CLIC4: variants seen among roughly 807,000 people sequenced by gnomAD.
The protein encoded by CLIC4 is chloride intracellular channel protein 4.
A neutral mutation model predicts 24.6 loss-of-function variants in CLIC4; 13 were observed. The observed-to-expected ratio is 0.53, with a 90% CI of 0.34 to 0.84. The LOEUF is 0.84. Ranked by LOEUF, CLIC4 falls within the 40% of genes least tolerant of loss-of-function variation. CLIC4 has a pLI of 0.01. For synonymous variants in CLIC4, 104 were observed against 111.3 expected, an observed-to-expected ratio of 0.93 and a Z score of 0.41; for missense variants, 227 against 301.7, an observed-to-expected ratio of 0.75 and a Z score of 1.83.
chr1:24,758,922 T>C lies in CLIC4; in HGVS notation c.72+13297T>C, dbSNP rs150744627. On this transcript the variant is annotated intron_variant, in intron 1 of 5. Transcript: ENST00000374379. ...GTGAAGGATGAGCACTGATCTGATA[T>C]GTAACATGTATTGAATTAAGTGAGT... Among the ~76,000 whole-genome samples the C allele has an allele frequency of 3.2e-3, 487 of 152,286 alleles. 2 individuals are homozygous for C. Among genetic ancestry groups the C allele is most frequent in the Non-Finnish European group, 5.4e-3 (368 of 68,024 alleles).
chr1:24,802,285 G>A (rs1639499722), intron 2 of CLIC4, among the ~76,000 whole-genome samples: 2 of 152,120 alleles, frequency 1.3e-5, no homozygotes, highest in Admixed American at 6.5e-5. Flanking sequence ...TTTTTTAAAG[G>A]CATTATTCCT....
intron 1 of CLIC4, among the ~76,000 whole-genome samples, chr1:24,756,813 C>T (rs1430401309): frequency 2.6e-5 from 4 of 151,340 alleles, no homozygotes; most frequent in East Asian, 1.9e-4. Flanking sequence ...CTCCGCCTCC[C>T]GGGTTCAAGC....
At chr1:24,816,088 CT>C (rs1639664509) in intron 3 of CLIC4, among the ~76,000 whole-genome samples, 1 of 152,170 alleles carries the variant, frequency 6.6e-6, no homozygotes, top group Non-Finnish European at 1.5e-5. Flanking sequence ...TTCTAGTTCT[CT>C]TGCTATTTTC....
At chr1:24,784,353 C>G (rs1639240257) in intron 1 of CLIC4, among the ~76,000 whole-genome samples, 1 of 152,136 alleles carries the variant, frequency 6.6e-6, no homozygotes, top group Non-Finnish European at 1.5e-5. Context: ...TTTTCAGTCA[C>G]TTAGGTAGGA....
intron 1 of CLIC4, among the ~76,000 whole-genome samples, chr1:24,751,541 A>G (rs186383975): frequency 6.6e-6 from 1 of 152,144 alleles, no homozygotes; most frequent in Non-Finnish European, 1.5e-5. Flanking sequence ...CCAGTCTTTT[A>G]TATATTTACT....
chr1:24,781,870 T>C (rs180979882), intron 1 of CLIC4, among the ~76,000 whole-genome samples: 160 of 152,086 alleles, frequency 1.1e-3, no homozygotes, highest in Middle Eastern at 3.4e-3. Flanking sequence ...CAGGCTGGTC[T>C]CAAACTCCTG....
At chr1:24,776,477 A>C (rs1334138120) in intron 1 of CLIC4, among the ~76,000 whole-genome samples, 1 of 152,248 alleles carries the variant, frequency 6.6e-6, no homozygotes, top group Non-Finnish European at 1.5e-5. Flanking sequence ...TATAGGAGGA[A>C]CTGCCTGGTC....
At chr1:24,805,755 G>A (rs1571253746) in intron 2 of CLIC4, among the ~76,000 whole-genome samples, 1 of 152,198 alleles carries the variant, frequency 6.6e-6, no homozygotes, top group Admixed American at 6.5e-5. Flanking sequence ...AGCTGGAACT[G>A]AGTCACCAGC....
chr1:24,841,048 T>A lies in CLIC4; in HGVS notation c.*111T>A. 2.4e-6 allele frequency: 2 copies of A among 838,636 alleles called. No homozygotes were observed. The highest frequency in any genetic ancestry group is 2.0e-5 in the South Asian group (1 of 49,732). The allele number at this position is 838,636 out of a possible 1,614,324, so 51.9% of individuals were successfully genotyped here. The stretch of plus-strand genomic sequence containing the variant: ...ATTGTATTTTGCACGAACATGCAGT[T>A]ATTGAAGATTAGGATCAAGGATAGA... On this transcript the variant is annotated 3_prime_UTR_variant, in exon 6 of 6. Transcript: ENST00000374379.
At chr1:24,802,957 C>T (rs1171928655) in intron 2 of CLIC4, among the ~76,000 whole-genome samples, 1 of 152,114 alleles carries the variant, frequency 6.6e-6, no homozygotes, top group Non-Finnish European at 1.5e-5. Context: ...AGTCCTCTGG[C>T]CTTGGTCTCC....
chr1:24,794,227 A>C (rs1639371395), intron 1 of CLIC4, among the ~76,000 whole-genome samples: 1 of 152,164 alleles, frequency 6.6e-6, no homozygotes. Flanking sequence ...TGCTGAGTCG[A>C]ATGGTAGTTC....
intron 1 of CLIC4, among the ~76,000 whole-genome samples, chr1:24,790,954 A>C (rs1228163037): frequency 6.6e-6 from 1 of 152,184 alleles, no homozygotes; most frequent in Non-Finnish European, 1.5e-5. Flanking sequence ...GGATAACTTG[A>C]GGCCAGGAGT....
rs1265421193 is a variant in CLIC4, at chr1:24,842,297, C to T, written c.*1360C>T. The T allele has an allele frequency of 6.6e-6, 1 of 152,118 alleles. No homozygotes were observed. Among genetic ancestry groups the T allele is most frequent in the African/African-American group, 2.4e-5 (1 of 41,442 alleles). 9.4% of individuals were successfully genotyped at this position (152,118 alleles called of 1,614,324 possible). A position where few individuals can be genotyped will look rare whatever the true frequency, so the allele number is the denominator to read the frequency against. The stretch of plus-strand genomic sequence containing the variant: ...GAGGATGAACTTGCTGAAAATAAAA[C>T]TTTGCTATGTATTTACTCTTTTTTA... On this transcript the variant is annotated 3_prime_UTR_variant, in exon 6 of 6. Transcript: ENST00000374379.
intron 3 of CLIC4, among the ~76,000 whole-genome samples, chr1:24,821,288 C>T (rs116576828): frequency 0.016 from 2,410 of 152,178 alleles, 67 homozygotes; most frequent in African/African-American, 0.055. Context: ...ATGGAATATT[C>T]TGGATTCTTA....
intron 1 of CLIC4, among the ~76,000 whole-genome samples, chr1:24,748,690 G>C (rs1638737948): frequency 6.6e-6 from 1 of 151,318 alleles, no homozygotes; most frequent in African/African-American, 2.4e-5. Flanking sequence ...GAAGAGACTG[G>C]GTTTTACCAT....
intron 1 of CLIC4, among the ~76,000 whole-genome samples, chr1:24,749,175 C>T (rs1036256957): frequency 3.3e-5 from 5 of 151,394 alleles, no homozygotes; most frequent in African/African-American, 4.9e-5. Flanking sequence ...GATAGTGCCA[C>T]TGCACCCCAG....
intron 1 of CLIC4, chr1:24,777,909 C>T (rs1316169913): frequency 6.6e-6 from 1 of 152,150 alleles, no homozygotes; most frequent in East Asian, 1.9e-4. Flanking sequence ...GTGCGTCATT[C>T]TTGAACAGGG....
intron 2 of CLIC4, among the ~76,000 whole-genome samples, chr1:24,810,437 T>C (rs1639600561): frequency 6.6e-6 from 1 of 152,106 alleles, no homozygotes; most frequent in Non-Finnish European, 1.5e-5. Flanking sequence ...CCTCTCATTT[T>C]CCCCCTCCCT....
chr1:24,771,375 C>T (rs918575865), intron 1 of CLIC4, among the ~76,000 whole-genome samples: 2 of 152,174 alleles, frequency 1.3e-5, no homozygotes, highest in African/African-American at 4.8e-5. Flanking sequence ...TCATCTGAAT[C>T]ACCTTTAATT....
Sources: allele counts gnomAD v4.1 joint callset (sites outside exome capture counted in the v4.1 genomes callset), GRCh38; gene constraint gnomAD v4.1.1; transcripts MANE v1.5; gene names NCBI Gene and HGNC (gene_info 2026-07-23, HGNC 2026-07-21).